TDRD12: variants seen among roughly 807,000 people sequenced by gnomAD.
TDRD12 encodes putative ATP-dependent RNA helicase TDRD12.
A neutral mutation model predicts 133.5 loss-of-function variants in TDRD12; 158 were observed. The observed-to-expected ratio is 1.18, with a 90% CI of 1.04 to 1.35. The LOEUF is 1.35. TDRD12 is among the 40% of genes most tolerant of loss of function. TDRD12 has a pLI of 0.00. For synonymous variants in TDRD12, 460 were observed against 477.9 expected, an observed-to-expected ratio of 0.96 and a Z score of 0.49; for missense variants, 1,443 against 1,321.3, an observed-to-expected ratio of 1.09 and a Z score of -1.43.
chr19:32,812,258 G>A (rs554644446), intron 24 of TDRD12, among the ~76,000 whole-genome samples: 123 of 152,046 alleles, frequency 8.1e-4, no homozygotes, highest in African/African-American at 2.9e-3. Flanking sequence ...GTCCAGGTGG[G>A]GTGGGAAGGC....
intron 9 of TDRD12, 39 bp from the exon 33 acceptor site, chr19:32,827,125 T>C (rs963426781): frequency 1.8e-6 from 2 of 1,104,208 alleles, no homozygotes; most frequent in African/African-American, 1.6e-5. Context: ...ATTTGCTGAT[T>C]AGTCTACACT....
At chr19:32,741,927 A>G (rs1969440009) in intron 3 of TDRD12, among the ~76,000 whole-genome samples, 1 of 152,190 alleles carries the variant, frequency 6.6e-6, no homozygotes, top group African/African-American at 2.4e-5. Context: ...CGTTTGCCAA[A>G]GAAGAATGGA....
chr19:32,746,581 AG>A (rs542352709), intron 4 of TDRD12, among the ~76,000 whole-genome samples: 2,459 of 144,062 alleles, frequency 0.017, 136 homozygotes, highest in East Asian at 0.11. Flanking sequence ...TGTGTGAGAG[AG>A]AGAGAGTCTG....
intron 11 of TDRD12, among the ~76,000 whole-genome samples, chr19:32,785,344 T>C (rs1970876351): frequency 6.6e-6 from 1 of 152,222 alleles, no homozygotes; most frequent in Admixed American, 6.5e-5. Context: ...GTGATTTCTG[T>C]TATTTTACAT....
At chr19:32,790,423 T>C in intron 11 of TDRD12, 108 bp from the exon 12 acceptor site, 1 of 1,098,840 alleles carries the variant, frequency 9.1e-7, no homozygotes, top group Non-Finnish European at 1.3e-6. Context: ...CAGCTGAGCC[T>C]TGGGCTGTGC....
chr19:32,790,978 G>GGGCC lies in TDRD12; in HGVS notation c.1198_1201dup (p.Leu401ArgfsTer20). 1 of 1,535,924 alleles carries GGGCC rather than the reference G, an allele frequency of 6.5e-7. No individual in the cohort carries two copies. Among genetic ancestry groups the GGGCC allele is most frequent in the African/African-American group, 1.4e-5 (1 of 73,150 alleles). On this transcript the variant is annotated frameshift_variant, in exon 13 of 28. Coordinates refer to ENST00000444215, the Ensembl canonical transcript of TDRD12. LOFTEE classifies it high-confidence loss of function. ...CGTTCTCTCAGTTGCAGAAGCTGAA[G>GGGCC]GGCCTGCAGCCGCCCGTGGTAGTGC...
chr19:32,821,135 G>T, exon 28 of TDRD12: 1 of 1,535,700 alleles, frequency 6.5e-7, no homozygotes, highest in Non-Finnish European at 8.7e-7. Flanking sequence ...AAAACCAGAA[G>T]CCTGGTGGGT....
chr19:32,742,986 T>A, intron 4 of TDRD12, 86 bp downstream of exon 4: 1 of 1,485,600 alleles, frequency 6.7e-7, no homozygotes, highest in Non-Finnish European at 9.0e-7. Flanking sequence ...AGTTCCTCTG[T>A]AGAAGTGCTG....
chr19:32,815,300 C>T, intron 25 of TDRD12, 148 bp from the exon 26 acceptor site: 2 of 632,454 alleles, frequency 3.2e-6, no homozygotes, highest in Non-Finnish European at 2.7e-6. Flanking sequence ...CAGATGCTGC[C>T]ATGGAAAGCC....
At chr19:32,768,065 C>T (rs369146427) in intron 8 of TDRD12, among the ~76,000 whole-genome samples, 2 of 152,320 alleles carry the variant, frequency 1.3e-5, no homozygotes, top group East Asian at 3.9e-4. Context: ...CATTTTCTTA[C>T]ATATTGTATA....
At chr19:32,719,777 T>A (rs976098191) in exon 1 of TDRD12, 1 of 524,292 alleles carries the variant, frequency 1.9e-6, no homozygotes, top group Non-Finnish European at 3.5e-6. Flanking sequence ...CTGCTCAGCG[T>A]GCGCGGGCAT....
chr19:32,782,876 C>T (rs1299687610), intron 11 of TDRD12, among the ~76,000 whole-genome samples: 3 of 152,162 alleles, frequency 2.0e-5, no homozygotes, highest in Admixed American at 2.0e-4. Flanking sequence ...AGCCCTTTGC[C>T]AGATGAATAG....
At chr19:32,793,930 G>T (rs1243293086) in intron 13 of TDRD12, among the ~76,000 whole-genome samples, 1 of 150,920 alleles carries the variant, frequency 6.6e-6, no homozygotes, top group Non-Finnish European at 1.5e-5. Context: ...ATGTAGCTAG[G>T]ATTACAGGTG....
chr19:32,735,274 G>GA (rs35780198), intron 2 of TDRD12, among the ~76,000 whole-genome samples: 38,696 of 149,196 alleles, frequency 0.26, 5,274 homozygotes, highest in Middle Eastern at 0.34. Flanking sequence ...ACACACAAAT[G>GA]AAAAAAAAAA....
At chr19:32,748,509 G>A in exon 5 of TDRD12, 3 of 1,551,836 alleles carry the variant, frequency 1.9e-6, no homozygotes, top group Admixed American at 3.9e-5. Context: ...CAGCTATTCA[G>A]TACTTTCAGA....
At chr19:32,748,317 C>T (rs1479562810) in intron 4 of TDRD12, among the ~76,000 whole-genome samples, 159 bp from the exon 5 acceptor site, 1 of 152,186 alleles carries the variant, frequency 6.6e-6, no homozygotes, top group East Asian at 1.9e-4. Flanking sequence ...GCAGTGGGAT[C>T]CTCACCCCCA....
At chr19:32,821,069 C>A in exon 28 of TDRD12, 1 of 1,535,890 alleles carries the variant, frequency 6.5e-7, no homozygotes, top group Non-Finnish European at 8.7e-7. Flanking sequence ...GCCTGCAGAG[C>A]CCCCAGCCTG....
intron 5 of TDRD12, among the ~76,000 whole-genome samples, chr19:32,748,937 A>G (rs1161246506): frequency 6.6e-6 from 1 of 152,238 alleles, no homozygotes; most frequent in Non-Finnish European, 1.5e-5. Context: ...ATTACTTCTA[A>G]TTTAAGATGC....
chr19:32,797,706 G>A (rs1387873867), intron 14 of TDRD12, 29 bp from the exon 15 acceptor site: 1 of 645,090 alleles, frequency 1.6e-6, no homozygotes, highest in Non-Finnish European at 2.8e-6. Flanking sequence ...CTACTGTCTG[G>A]AGTCATTTGA....
Sources: gnomAD v4.1 joint callset for allele counts (sites outside exome capture counted in the v4.1 genomes callset) on GRCh38, gnomAD v4.1.1 for gene constraint, MANE v1.5 for transcripts, NCBI Gene and HGNC (gene_info 2026-07-23, HGNC 2026-07-21) for gene names.